The following KPNA3 variants were observed in gnomAD, a reference collection of about 807,000 sequenced individuals.
KPNA3 encodes the protein karyopherin subunit alpha 3.
A neutral mutation model predicts 73.8 loss-of-function variants in KPNA3; 13 were observed. The observed-to-expected ratio is 0.18, with a 90% CI of 0.11 to 0.28. The LOEUF is 0.28. KPNA3 is among the 10% of genes least tolerant of loss of function. KPNA3 has a pLI of 1.00. For synonymous variants in KPNA3, 186 were observed against 206.9 expected (o/e 0.90, Z 0.87); for missense variants, 360 against 618.1 (o/e 0.58, Z 4.43).
intron 1 of KPNA3, among the ~76,000 whole-genome samples, chr13:49,775,918 G>A (rs1326440900): frequency 6.6e-6 from 1 of 151,960 alleles, no homozygotes; most frequent in African/African-American, 2.4e-5. Flanking sequence ...TCTGTATTCC[G>A]AAATTGGATT....
intron 1 of KPNA3, among the ~76,000 whole-genome samples, chr13:49,751,736 T>C (rs1244243130): frequency 6.6e-6 from 1 of 152,110 alleles, no homozygotes; most frequent in Non-Finnish European, 1.5e-5. Flanking sequence ...CAGTGAGACC[T>C]GTCTCTACAA....
intron 1 of KPNA3, among the ~76,000 whole-genome samples, chr13:49,791,854 G>A (rs1413837107): frequency 6.6e-6 from 1 of 152,182 alleles, no homozygotes; most frequent in Non-Finnish European, 1.5e-5. Context: ...AATGGTCCTG[G>A]CGCATCCTAC....
chr13:49,704,862 C>T (rs980450038), intron 15 of KPNA3, among the ~76,000 whole-genome samples: 8 of 152,184 alleles, frequency 5.3e-5, no homozygotes, highest in South Asian at 2.1e-4. Context: ...AGTCAGTAAC[C>T]TTTTCCAACT....
chr13:49,753,147 A>G (rs1205925635), intron 1 of KPNA3, among the ~76,000 whole-genome samples: 1 of 151,966 alleles, frequency 6.6e-6, no homozygotes, highest in Non-Finnish European at 1.5e-5. Flanking sequence ...GCAATGAAAT[A>G]GAGCAAATAC....
chr13:49,753,790 T>C (rs766899461), intron 1 of KPNA3, among the ~76,000 whole-genome samples: 1 of 152,194 alleles, frequency 6.6e-6, no homozygotes, highest in African/African-American at 2.4e-5. Flanking sequence ...AGAATCTAAC[T>C]AATGCCTGAT....
intron 1 of KPNA3, among the ~76,000 whole-genome samples, chr13:49,763,397 A>G (rs1954784227): frequency 6.6e-6 from 1 of 152,184 alleles, no homozygotes; most frequent in South Asian, 2.1e-4. Context: ...AAATATAGAA[A>G]AGAGGGTAAG....
At chr13:49,713,832 T>G (rs781732839) in intron 10 of KPNA3, among the ~76,000 whole-genome samples, 2 of 152,174 alleles carry the variant, frequency 1.3e-5, no homozygotes, top group Non-Finnish European at 2.9e-5. Context: ...GTGCCCCATG[T>G]AGCTGGGATT....
At chr13:49,713,634 A>AACACACAC (rs66994650) in intron 10 of KPNA3, among the ~76,000 whole-genome samples, 2,142 of 140,886 alleles carry the variant, frequency 0.015, 33 homozygotes, top group African/African-American at 0.039. Flanking sequence ...TCTTAGGTGA[A>AACACACAC]ACACACACAC....
In KPNA3 at chr13:49,706,323, A is replaced by G; in HGVS notation, c.1082T>C (p.Val361Ala). 1 of 1,614,138 alleles carries G rather than the reference A, an allele frequency of 6.2e-7. No individual in the cohort carries two copies. The highest frequency in any genetic ancestry group is 8.5e-7 in the Non-Finnish European group (1 of 1,180,018). ...TAATCCAGCATCTATTACAGCTTGA[A>G]CTTGTTGCTGGTTGCCTGCTGTTAT... ...SNITAGNQQQ[V>A]QAVIDAGLIP... The change falls in exon 13 of 17, where the codon GTT (valine) becomes GCT (alanine). Residue 361 changes from valine (V) to alanine (A), a missense_variant. Physicochemically the swap from Val to Ala is moderately conservative, Grantham distance 64. Coordinates refer to ENST00000261667, the MANE Select transcript of KPNA3 (RefSeq NM_002267.4).
Position 49,699,381 on chromosome 13 carries a change from T to G in KPNA3, c.*2419A>C, listed in dbSNP as rs1366941841. 1 of 152,602 alleles carries G rather than the reference T, an allele frequency of 6.6e-6. No homozygotes were observed. Among genetic ancestry groups the G allele is most frequent in the Non-Finnish European group, 1.5e-5 (1 of 68,032 alleles). The allele number at this position is 152,602 out of a possible 1,614,324, so 9.5% of individuals were successfully genotyped here. A position where few individuals can be genotyped will look rare whatever the true frequency, so the allele number is the denominator to read the frequency against. ...ACAAAACCTAAGCCCATATACAAAA[T>G]TAGGAACACATTTAGATGCCTCTTT... On this transcript the variant is annotated 3_prime_UTR_variant, in exon 17 of 17. Coordinates refer to ENST00000261667, the MANE Select transcript of KPNA3 (RefSeq NM_002267.4).
chr13:49,730,672 G>C (rs1026866839), intron 6 of KPNA3, among the ~76,000 whole-genome samples: 2 of 150,644 alleles, frequency 1.3e-5, no homozygotes, highest in Non-Finnish European at 3.0e-5. Flanking sequence ...ACAATGTGCA[G>C]GTTAGTTACA....
At chr13:49,749,963 T>A (rs1379677031) in intron 1 of KPNA3, among the ~76,000 whole-genome samples, 1 of 152,196 alleles carries the variant, frequency 6.6e-6, no homozygotes, top group African/African-American at 2.4e-5. Context: ...CTCCCTTATA[T>A]TCTTCCCAAG....
chr13:49,714,106 A>G (rs1954284843), intron 10 of KPNA3, among the ~76,000 whole-genome samples: 1 of 152,252 alleles, frequency 6.6e-6, no homozygotes, highest in Admixed American at 6.5e-5. Context: ...ATAGCCTTAA[A>G]AATTTATACA....
intron 1 of KPNA3, among the ~76,000 whole-genome samples, chr13:49,767,936 TAC>T (rs1160565157): frequency 1.3e-5 from 2 of 152,196 alleles, no homozygotes; most frequent in Non-Finnish European, 2.9e-5. Context: ...AAACCTACCT[TAC>T]ATAGTCCAAA....
At chr13:49,733,696 C>A (rs1193002526) in intron 2 of KPNA3, among the ~76,000 whole-genome samples, 3 of 152,216 alleles carry the variant, frequency 2.0e-5, no homozygotes, top group African/African-American at 7.2e-5. Context: ...GGCTGTGTGA[C>A]TTGCTTTGGC....
chr13:49,768,748 C>T (rs758431407), intron 1 of KPNA3, among the ~76,000 whole-genome samples: 1 of 152,060 alleles, frequency 6.6e-6, no homozygotes, highest in Non-Finnish European at 1.5e-5. Flanking sequence ...AACTTGTGTG[C>T]CACACATACA....
At chr13:49,745,569 G>C (rs1359667082) in intron 2 of KPNA3, among the ~76,000 whole-genome samples, 2 of 151,752 alleles carry the variant, frequency 1.3e-5, no homozygotes, top group Non-Finnish European at 2.9e-5. Context: ...TGTTGGCCAG[G>C]CTGGTCTCGA....
chr13:49,720,594 A>G (rs867057257), intron 9 of KPNA3, among the ~76,000 whole-genome samples: 1 of 152,058 alleles, frequency 6.6e-6, no homozygotes, highest in Non-Finnish European at 1.5e-5. Context: ...CATTTCTACT[A>G]AAAATACAAA....
chr13:49,711,707 C>T (rs1954261821), intron 10 of KPNA3, among the ~76,000 whole-genome samples: 1 of 152,062 alleles, frequency 6.6e-6, no homozygotes, highest in Admixed American at 6.5e-5. Flanking sequence ...TGCTTGGTGT[C>T]GTCACAGAGG....
Sources: gnomAD v4.1 joint callset for allele counts (sites outside exome capture counted in the v4.1 genomes callset) on GRCh38, gnomAD v4.1.1 for gene constraint, MANE v1.5 for transcripts, NCBI Gene and HGNC (gene_info 2026-07-23, HGNC 2026-07-21) for gene names.